The following ATAD2 variants were observed in gnomAD, a reference collection of about 807,000 sequenced individuals.
ATAD2 encodes the protein ATPase family AAA domain containing 2, also known as ATPase family AAA domain-containing protein 2.
ATAD2 carries 62 observed loss-of-function variants against 168.9 expected under a neutral mutation model. That is an observed-to-expected ratio of 0.37 (90% confidence interval 0.30 to 0.45). The LOEUF (loss-of-function observed/expected upper bound fraction) is 0.45. ATAD2 is among the 20% of genes least tolerant of loss of function. The probability of loss-of-function intolerance (pLI) is 1.00; values close to 1 mark genes in which losing one functional copy is unlikely to be tolerated. For synonymous variants in ATAD2, 613 were observed against 571.6 expected (o/e 1.07, Z -1.03); for missense variants, 1,419 against 1,667.8 (o/e 0.85, Z 2.60).
At chr8:123,413,694 T>C (rs1323456728) in intron 1 of ATAD2, among the ~76,000 whole-genome samples, 1 of 152,086 alleles carries the variant, frequency 6.6e-6, no homozygotes, top group Non-Finnish European at 1.5e-5. Flanking sequence ...TTGCTGAGCA[T>C]GCTACTGCTT....
intron 8 of ATAD2, among the ~76,000 whole-genome samples, chr8:123,362,583 C>CT (rs112206477): frequency 1.5e-3 from 210 of 143,292 alleles, no homozygotes; most frequent in Middle Eastern, 3.5e-3. Flanking sequence ...GCCCAGTTAA[C>CT]TTTTTTTTTT....
At chr8:123,398,347 A>C (rs7000034), upstream of ATAD2, among the ~76,000 whole-genome samples, 141,591 of 151,152 alleles carry the variant, frequency 0.94, 66,367 homozygotes, top group East Asian at 1. Context: ...TGTCCTGCCT[A>C]AGCCTCCAGA....
In ATAD2 at chr8:123,328,522, T is replaced by C. The variant is rs756172683; in HGVS notation, c.3536A>G (p.Lys1179Arg). The change falls in exon 25 of 28, where the codon AAG (lysine) becomes AGG (arginine). Residue 1179 changes from lysine to arginine, a missense_variant. By Grantham distance (26) the Lys-to-Arg change is conservative (BLOSUM62 2). Transcript: ENST00000287394. ...KSNWYLGTIK[K>R]RRKISQAKDD... is the part of the protein sequence containing the mutation. ...CTTTGCCTGTGAAATCTTCCTTCGC[T>C]TTTTTATGGTGCCTAAGTACCAGTT... 1 of 1,591,598 alleles carries C rather than the reference T, an allele frequency of 6.3e-7. No individual in the cohort carries two copies. Among genetic ancestry groups the C allele is most frequent in the East Asian group, 2.3e-5 (1 of 44,384 alleles).
At chr8:123,348,350 T>C (rs1012272925) in intron 14 of ATAD2, 77 bp from the exon 15 acceptor site, 1 of 1,142,214 alleles carries the variant, frequency 8.8e-7, no homozygotes, top group Non-Finnish European at 1.2e-6. Flanking sequence ...TTGATTAAAA[T>C]ACTTTTGATT....
At chr8:123,377,648 T>G (rs1829361512) in intron 2 of ATAD2, among the ~76,000 whole-genome samples, 1 of 152,206 alleles carries the variant, frequency 6.6e-6, no homozygotes, top group Non-Finnish European at 1.5e-5. Context: ...TGCTATCAGT[T>G]TCTCTCGAGT....
At chr8:123,327,572 C>T (rs1827648757) in intron 25 of ATAD2, among the ~76,000 whole-genome samples, 1 of 151,456 alleles carries the variant, frequency 6.6e-6, no homozygotes, top group Non-Finnish European at 1.5e-5. Context: ...AAATTTTTGG[C>T]CCCATTATCC....
At chr8:123,391,728 T>C (rs1415715658) in intron 1 of ATAD2, among the ~76,000 whole-genome samples, 3 of 152,132 alleles carry the variant, frequency 2.0e-5, no homozygotes, top group Non-Finnish European at 4.4e-5. Flanking sequence ...CAACCAAATG[T>C]ATTGAATGTA....
intron 3 of ATAD2, 133 bp from the exon 4 acceptor site, chr8:123,371,968 T>A: frequency 1.0e-6 from 1 of 958,790 alleles, no homozygotes; most frequent in South Asian, 2.3e-5. Flanking sequence ...TTAGCTTTCT[T>A]AAAAACATCA....
chr8:123,347,795 A>T lies in ATAD2; in HGVS notation c.1897+388T>A, dbSNP rs963606774. ...TACTGCTACCTACATCACAGGAATGATGTGAAAATTACATGAAATAATATA... is the reference window on the plus strand; with the variant it reads ...TACTGCTACCTACATCACAGGAATGTTGTGAAAATTACATGAAATAATATA... On this transcript the variant is annotated intron_variant, in intron 15 of 27. Transcript: ENST00000287394. Among the ~76,000 whole-genome samples, 10 of 152,330 alleles carry T rather than the reference A, an allele frequency of 6.6e-5. No individual in the cohort carries two copies. The Middle Eastern group carries it at 0.01, about 155-fold the overall frequency.
rs1344907123 is a variant in ATAD2, at chr8:123,346,661, A to C, written c.2302T>G (p.Ser768Ala). The change falls in exon 17 of 28, where the codon TCT (serine) becomes GCT (alanine). Residue 768 changes from serine to alanine, a missense_variant. By Grantham distance (99) the Ser-to-Ala change is moderately conservative. Transcript: ENST00000287394. Reference sequence around the variant, plus strand: ...TTAAAATTGTCTTTTGCCTTATGAGAAGATTTCTGAGAAAGTCCATTTTCA... The same window carrying C: ...TTAAAATTGTCTTTTGCCTTATGAGCAGATTTCTGAGAAAGTCCATTTTCA... The part of the protein sequence containing the change: ...VYENGLSQKS[S>A]HKAKDNFNFL... The C allele has an allele frequency of 2.2e-5, 35 of 1,585,844 alleles. No individual in the cohort carries two copies. Among genetic ancestry groups the C allele is most frequent in the Non-Finnish European group, 3.0e-5 (35 of 1,164,558 alleles).
chr8:123,366,038 T>TA (rs1408856678), intron 8 of ATAD2, among the ~76,000 whole-genome samples: 1 of 152,172 alleles, frequency 6.6e-6, no homozygotes, highest in African/African-American at 2.4e-5. Flanking sequence ...AAAAGACTAA[T>TA]ATCTAGCATC....
intron 24 of ATAD2, among the ~76,000 whole-genome samples, chr8:123,332,923 C>T (rs546874176): frequency 3.9e-5 from 6 of 151,996 alleles, no homozygotes; most frequent in African/African-American, 1.5e-4. Flanking sequence ...ATTTTCTTCT[C>T]TTATCTTTCC....
intron 1 of ATAD2, among the ~76,000 whole-genome samples, chr8:123,385,429 T>C (rs1171842744): frequency 6.6e-6 from 1 of 152,242 alleles, no homozygotes; most frequent in Non-Finnish European, 1.5e-5. Context: ...AAGTCTGACA[T>C]AATAGTTTTA....
intron 9 of ATAD2, 145 bp from the exon 10 acceptor site, chr8:123,359,830 C>T: frequency 1.7e-6 from 1 of 594,688 alleles, no homozygotes; most frequent in Non-Finnish European, 2.9e-6. Context: ...TTAATTTCCT[C>T]ATTTTCTGTA....
chr8:123,366,415 C>T (rs1828979508), intron 8 of ATAD2, among the ~76,000 whole-genome samples: 1 of 152,194 alleles, frequency 6.6e-6, no homozygotes, highest in African/African-American at 2.4e-5. Flanking sequence ...TACTGGGTAT[C>T]TACCCAGAGG....
upstream of ATAD2, among the ~76,000 whole-genome samples, chr8:123,396,801 T>G (rs1444363942): frequency 1.3e-5 from 2 of 152,040 alleles, no homozygotes; most frequent in African/African-American, 4.8e-5. Flanking sequence ...GTCCGGCGTC[T>G]CCTCCCCACC....
At chr8:123,380,751 T>C in intron 1 of ATAD2, 74 bp from the exon 2 acceptor site, 1 of 1,491,638 alleles carries the variant, frequency 6.7e-7, no homozygotes, top group Non-Finnish European at 9.1e-7. Context: ...CAAAGAGTAT[T>C]CTCTGATTAC....
At chr8:123,326,168 T>G in intron 25 of ATAD2, 142 bp from the exon 26 acceptor site, 3 of 835,276 alleles carry the variant, frequency 3.6e-6, no homozygotes, top group East Asian at 5.4e-5. Context: ...CATTCTGTTA[T>G]AAGATTAAGA....
chr8:123,358,818 G>C (rs374176207), intron 11 of ATAD2, among the ~76,000 whole-genome samples: 1 of 134,646 alleles, frequency 7.4e-6, no homozygotes, highest in Middle Eastern at 4.3e-3. Context: ...TGCAACTTCC[G>C]CCTCCTGGGT....
Sources: gnomAD v4.1 joint callset for allele counts (sites outside exome capture counted in the v4.1 genomes callset) on GRCh38, gnomAD v4.1.1 for gene constraint, MANE v1.5 for transcripts, NCBI Gene and HGNC (gene_info 2026-07-23, HGNC 2026-07-21) for gene names.